The following CPE variants were observed in gnomAD, a reference collection of about 807,000 sequenced individuals.
CPE encodes the protein carbocypeptidase E.
Under a neutral mutation model 53.5 loss-of-function variants are expected in CPE, and 17 were observed. The observed-to-expected ratio is 0.32, with a 90% CI of 0.22 to 0.48. The LOEUF is 0.48. CPE is among the 20% of genes least tolerant of loss of function. The pLI is 0.99. For missense variants in CPE, 524 were observed against 614.7 expected, an observed-to-expected ratio of 0.85 and a Z score of 1.56; for synonymous variants, 226 against 228.8, an observed-to-expected ratio of 0.99 and a Z score of 0.11.
In CPE at chr4:165,379,569, AG is replaced by A. The variant is rs761574709; in HGVS notation, c.307+47del. The stretch of plus-strand genomic sequence containing the variant: ...CCTGACAGCCCTGGGGGCATCCCGG[AG>A]GGGGGCGGCAGAGGGTGGGACTGGT... On this transcript the variant is annotated intron_variant, in intron 1 of 8. Coordinates refer to ENST00000402744, the MANE Select transcript of CPE (RefSeq NM_001873.4). This position sits in a 1 kb window ranked among gnomAD's most constrained non-coding sequence, Gnocchi z 6.0. 11 of 997,134 alleles carry A rather than the reference AG, an allele frequency of 1.1e-5. No homozygotes were observed. The highest frequency in any genetic ancestry group is 8.5e-5 in the East Asian group (1 of 11,808). 61.8% of individuals were successfully genotyped at this position (997,134 alleles called of 1,614,324 possible). A position where few individuals can be genotyped will look rare whatever the true frequency, so the allele number is the denominator to read the frequency against.
chr4:165,483,014 T>A (rs1451217180), intron 4 of CPE, among the ~76,000 whole-genome samples: 1 of 151,956 alleles, frequency 6.6e-6, no homozygotes, highest in African/African-American at 2.4e-5. Context: ...TTTTTTTTTT[T>A]AATTTTAGAT....
chr4:165,472,389 G>A (rs1732223939), intron 3 of CPE, among the ~76,000 whole-genome samples: 1 of 152,126 alleles, frequency 6.6e-6, no homozygotes, highest in South Asian at 2.1e-4. Flanking sequence ...AAAAGTCTTA[G>A]GGCAGCCACA....
At chr4:165,476,965 T>C (rs1183733739) in intron 3 of CPE, among the ~76,000 whole-genome samples, 3 of 152,160 alleles carry the variant, frequency 2.0e-5, no homozygotes, top group Non-Finnish European at 4.4e-5. Context: ...GAGACAGAAA[T>C]GGAAAACTTC....
At chr4:165,496,383 T>C (rs1732705874) in intron 8 of CPE, among the ~76,000 whole-genome samples, 1 of 152,198 alleles carries the variant, frequency 6.6e-6, no homozygotes, top group Admixed American at 6.5e-5. Flanking sequence ...ATGGTTTTGA[T>C]TGTGTGCATG....
intron 1 of CPE, among the ~76,000 whole-genome samples, chr4:165,417,792 A>T (rs1468861712): frequency 1.3e-5 from 1 of 74,112 alleles, no homozygotes; most frequent in Non-Finnish European, 3.1e-5. Flanking sequence ...AAAAAAAAAG[A>T]CATTAAATCT....
intron 1 of CPE, among the ~76,000 whole-genome samples, chr4:165,387,873 C>T (rs867138871): frequency 4.6e-5 from 7 of 152,162 alleles, no homozygotes; most frequent in South Asian, 2.1e-4. Context: ...CTGCCCGCCT[C>T]GGTCTCCCAA....
At chr4:165,451,978 C>T (rs1731820604) in intron 1 of CPE, among the ~76,000 whole-genome samples, 1 of 151,310 alleles carries the variant, frequency 6.6e-6, no homozygotes, top group African/African-American at 2.4e-5. Flanking sequence ...CTACATGCCA[C>T]TTTGGTCCTC....
rs1160600972 is a variant in CPE, at chr4:165,379,020, C to G, written c.-202C>G. ...GGGCTCCGCGGCCAGTAGTGCAGCC[C>G]GTGGAGCCGCGGCTTTGCCCGTCTC... On this transcript the variant is annotated 5_prime_UTR_variant, in exon 1 of 9. Transcript: ENST00000402744. The surrounding 1 kb of genome is among the most constrained non-coding windows in gnomAD (Gnocchi z 6.0). 3 of 382,684 alleles carry G rather than the reference C, an allele frequency of 7.8e-6. No individual in the cohort carries two copies. In the East Asian group the frequency reaches 1.3e-4, roughly 17 times the overall value. 23.7% of individuals were successfully genotyped at this position (382,684 alleles called of 1,614,324 possible). A position where few individuals can be genotyped will look rare whatever the true frequency, so the allele number is the denominator to read the frequency against.
At chr4:165,422,792 A>G (rs1731247254) in intron 1 of CPE, among the ~76,000 whole-genome samples, 3 of 152,062 alleles carry the variant, frequency 2.0e-5, no homozygotes, top group African/African-American at 4.8e-5. Context: ...CCTGGCCAAT[A>G]TGGTGAAACC....
chr4:165,492,150 A>AT, intron 6 of CPE, among the ~76,000 whole-genome samples: 1 of 152,192 alleles, frequency 6.6e-6, no homozygotes, highest in South Asian at 2.1e-4. Context: ...GATGACTACA[A>AT]CTTAATTTAG....
At chr4:165,430,344 A>G (rs901020496) in intron 1 of CPE, among the ~76,000 whole-genome samples, 3 of 152,254 alleles carry the variant, frequency 2.0e-5, no homozygotes, top group Non-Finnish European at 4.4e-5. Flanking sequence ...GTGCAAAACA[A>G]CATATGACAA....
At chr4:165,389,173 T>A (rs1395314707) in intron 1 of CPE, among the ~76,000 whole-genome samples, 1 of 152,206 alleles carries the variant, frequency 6.6e-6, no homozygotes, top group African/African-American at 2.4e-5. Context: ...AATGATACTA[T>A]GTAGCTAAAT....
intron 8 of CPE, 151 bp from the exon 9 acceptor site, chr4:165,497,361 C>A (rs890453903): frequency 2.4e-6 from 1 of 412,758 alleles, no homozygotes. Context: ...CTGAAAATAT[C>A]TTTTGTTTAT....
chr4:165,399,078 T>C (rs1332251833), intron 1 of CPE, among the ~76,000 whole-genome samples: 1 of 152,218 alleles, frequency 6.6e-6, no homozygotes, highest in Non-Finnish European at 1.5e-5. Context: ...AAATGTACTA[T>C]ACTAAATGAT....
intron 1 of CPE, among the ~76,000 whole-genome samples, chr4:165,429,127 A>G (rs1301579966): frequency 6.6e-6 from 1 of 152,098 alleles, no homozygotes; most frequent in Non-Finnish European, 1.5e-5. Flanking sequence ...TTTTTTTCAT[A>G]ACTCTGTTGG....
At chr4:165,441,984 T>C (rs1731618136) in intron 1 of CPE, among the ~76,000 whole-genome samples, 1 of 151,822 alleles carries the variant, frequency 6.6e-6, no homozygotes, top group Non-Finnish European at 1.5e-5. Context: ...TTCAAATTTT[T>C]CCAGTTAAAG....
chr4:165,473,243 CCAGT>C (rs1401305131), intron 3 of CPE, among the ~76,000 whole-genome samples: 5 of 152,194 alleles, frequency 3.3e-5, no homozygotes, highest in Non-Finnish European at 5.9e-5. Context: ...TTTTAAACAA[CCAGT>C]CATTTAATTT....
chr4:165,456,625 G>A (rs1385302561), intron 1 of CPE, among the ~76,000 whole-genome samples: 2 of 151,888 alleles, frequency 1.3e-5, no homozygotes, highest in Non-Finnish European at 2.9e-5. Context: ...GGAGTGCAGT[G>A]GCGCGATCTC....
intron 1 of CPE, among the ~76,000 whole-genome samples, chr4:165,393,130 T>C (rs932287519): frequency 6.6e-6 from 1 of 152,242 alleles, no homozygotes; most frequent in African/African-American, 2.4e-5. Context: ...GTTTTGACTA[T>C]GTAATTCAAA....
Sources: gnomAD v4.1 joint callset for allele counts (sites outside exome capture counted in the v4.1 genomes callset) on GRCh38, gnomAD v4.1.1 for gene constraint, Gnocchi (gnomAD v3.1) non-coding constraint, MANE v1.5 for transcripts, NCBI Gene and HGNC (gene_info 2026-07-23, HGNC 2026-07-21) for gene names.